The following PLEKHM3 variants were observed in gnomAD, a reference collection of about 807,000 sequenced individuals.
The protein encoded by PLEKHM3 is pleckstrin homology domain containing M3, also known as pleckstrin homology domain-containing family M member 3.
Under a neutral mutation model 81.8 loss-of-function variants are expected in PLEKHM3, and 45 were observed. The observed-to-expected ratio is 0.55, with a 90% CI of 0.43 to 0.71. The LOEUF (loss-of-function observed/expected upper bound fraction) is 0.71. Ranked by LOEUF, PLEKHM3 falls within the 30% of genes least tolerant of loss-of-function variation. PLEKHM3 has a pLI of 0.00. For missense variants in PLEKHM3, 788 were observed against 924.3 expected (o/e 0.85, Z 1.91); for synonymous variants, 352 against 356.4 (o/e 0.99, Z 0.14).
intron 3 of PLEKHM3, among the ~76,000 whole-genome samples, chr2:207,959,150 T>C (rs916777755): frequency 6.6e-6 from 1 of 152,190 alleles, no homozygotes; most frequent in Non-Finnish European, 1.5e-5. Context: ...TTTTCAGCAC[T>C]TCCTTAAATT....
chr2:207,859,604 G>A (rs965879913), intron 7 of PLEKHM3, among the ~76,000 whole-genome samples: 8 of 138,066 alleles, frequency 5.8e-5, no homozygotes, highest in African/African-American at 1.8e-4. Flanking sequence ...TGTGCATTTT[G>A]TTTTTTTTTT....
At chr2:207,977,881 G>A (rs1479943594) in intron 2 of PLEKHM3, among the ~76,000 whole-genome samples, 1 of 152,088 alleles carries the variant, frequency 6.6e-6, no homozygotes, top group Non-Finnish European at 1.5e-5. Flanking sequence ...GAGCCCAGGA[G>A]TTCAAGACCA....
At chr2:207,980,778 C>T (rs755414553) in intron 2 of PLEKHM3, among the ~76,000 whole-genome samples, 51 of 152,008 alleles carry the variant, frequency 3.4e-4, no homozygotes, top group Non-Finnish European at 5.4e-4. Flanking sequence ...ACCATATTGC[C>T]AAGGCTGGGG....
At chr2:207,831,693 G>A (rs2092289237) in intron 7 of PLEKHM3, among the ~76,000 whole-genome samples, 1 of 152,126 alleles carries the variant, frequency 6.6e-6, no homozygotes, top group African/African-American at 2.4e-5. Flanking sequence ...GCGCTATCCT[G>A]GACATGGCAG....
intron 7 of PLEKHM3, among the ~76,000 whole-genome samples, chr2:207,831,851 C>A (rs2092290554): frequency 6.6e-6 from 1 of 152,204 alleles, no homozygotes; most frequent in Admixed American, 6.5e-5. Context: ...ACCTCTGTAA[C>A]CTTCTATCAC....
rs1207243959 is a variant in PLEKHM3, at chr2:207,824,310, A to G, written c.*4009T>C. The G allele has an allele frequency of 6.6e-6, 1 of 152,182 alleles. No individual in the cohort carries two copies. Among genetic ancestry groups the G allele is most frequent in the African/African-American group, 2.4e-5 (1 of 41,438 alleles). 9.4% of individuals were successfully genotyped at this position (152,182 alleles called of 1,614,324 possible). On this transcript the variant is annotated 3_prime_UTR_variant, in exon 8 of 8. Coordinates refer to ENST00000427836, the MANE Select transcript of PLEKHM3 (RefSeq NM_001080475.3). ...ATGGGCAAAAATTATACACATCTCT[A>G]TTTACTAGGAGAAGTAAAAAAATAA...
intron 7 of PLEKHM3, among the ~76,000 whole-genome samples, chr2:207,838,329 C>T (rs970706015): frequency 1.3e-5 from 2 of 152,260 alleles, no homozygotes; most frequent in Admixed American, 1.3e-4. Flanking sequence ...CTTTAAGCCC[C>T]AGAGTTAATT....
At chr2:207,999,247 A>G (rs1692216428) in intron 2 of PLEKHM3, among the ~76,000 whole-genome samples, 1 of 150,952 alleles carries the variant, frequency 6.6e-6, no homozygotes, top group South Asian at 2.2e-4. Flanking sequence ...AAGTGCTGGG[A>G]TTACAGGCAT....
At chr2:207,983,193 A>G (rs956872351) in intron 2 of PLEKHM3, among the ~76,000 whole-genome samples, 1 of 152,108 alleles carries the variant, frequency 6.6e-6, no homozygotes, top group African/African-American at 2.4e-5. Context: ...CTGGGACTAC[A>G]GGCACCAGCC....
chr2:207,942,624 G>A (rs1035552093), intron 4 of PLEKHM3, among the ~76,000 whole-genome samples: 4 of 152,138 alleles, frequency 2.6e-5, no homozygotes, highest in South Asian at 2.1e-4. Context: ...AAGCCAGCTC[G>A]GCCCGGTGGC....
intron 7 of PLEKHM3, among the ~76,000 whole-genome samples, chr2:207,841,480 A>ATATATATATAT (rs1284378924): frequency 2.7e-5 from 1 of 37,414 alleles, no homozygotes; most frequent in Non-Finnish European, 4.6e-5. Context: ...AAAAAAAAAA[A>ATATATATATAT]ATATATATAT....
At chr2:207,945,209 CCTT>C (rs892025740) in intron 4 of PLEKHM3, among the ~76,000 whole-genome samples, 5 of 152,202 alleles carry the variant, frequency 3.3e-5, no homozygotes, top group Admixed American at 6.5e-5. Context: ...ACCCTGGGAT[CCTT>C]CTACCTCACT....
chr2:207,922,269 C>T (rs1460954022), intron 5 of PLEKHM3, among the ~76,000 whole-genome samples: 2 of 152,082 alleles, frequency 1.3e-5, no homozygotes, highest in Non-Finnish European at 2.9e-5. Context: ...TACCATCTGC[C>T]CTACCTATCT....
chr2:207,981,980 C>A (rs1049964019), intron 2 of PLEKHM3, among the ~76,000 whole-genome samples: 1 of 152,172 alleles, frequency 6.6e-6, no homozygotes, highest in East Asian at 1.9e-4. Flanking sequence ...TTTTCTTCTA[C>A]CTCTGCCACG....
intron 3 of PLEKHM3, among the ~76,000 whole-genome samples, chr2:207,953,618 T>C (rs1406670127): frequency 6.6e-6 from 1 of 152,010 alleles, no homozygotes; most frequent in Admixed American, 6.6e-5. Context: ...GTGAAACCTC[T>C]ACTAAAAACA....
intron 3 of PLEKHM3, among the ~76,000 whole-genome samples, chr2:207,969,367 C>T (rs776351768): frequency 2.6e-5 from 4 of 152,232 alleles, no homozygotes; most frequent in African/African-American, 9.6e-5. Flanking sequence ...AGAAATACTG[C>T]TTACTTCCAG....
At chr2:207,938,359 T>C (rs1309412795) in intron 4 of PLEKHM3, among the ~76,000 whole-genome samples, 1 of 152,200 alleles carries the variant, frequency 6.6e-6, no homozygotes. Flanking sequence ...TAAAAATAAT[T>C]AGGATTATTA....
chr2:207,900,831 T>C (rs1029529464), intron 6 of PLEKHM3: 1 of 157,886 alleles, frequency 6.3e-6, no homozygotes, highest in African/African-American at 2.4e-5. Context: ...CATAGGTTTC[T>C]ACCACTGGCA....
chr2:207,957,913 G>A (rs1342562534), intron 3 of PLEKHM3, among the ~76,000 whole-genome samples: 1 of 152,144 alleles, frequency 6.6e-6, no homozygotes, highest in Non-Finnish European at 1.5e-5. Context: ...ATTTTTGGTA[G>A]GATGGGTGGG....
Sources: allele counts gnomAD v4.1 joint callset (sites outside exome capture counted in the v4.1 genomes callset), GRCh38; gene constraint gnomAD v4.1.1; transcripts MANE v1.5; gene names NCBI Gene and HGNC (gene_info 2026-07-23, HGNC 2026-07-21).